The following PAK1 variants were observed in gnomAD, a reference collection of about 807,000 sequenced individuals.
PAK1 encodes the protein serine/threonine-protein kinase PAK 1.
In PAK1, 29 loss-of-function variants were observed where a neutral mutation model predicts 67.4. That is an observed-to-expected ratio of 0.43 (90% CI 0.32 to 0.59). The LOEUF (loss-of-function observed/expected upper bound fraction) is 0.59, where lower values mean the gene tolerates loss of function less well. Among genes scored for constraint, PAK1 ranks in the 20% least tolerant of loss-of-function variants. The probability of loss-of-function intolerance (pLI) is 0.07; values close to 1 mark genes in which losing one functional copy is unlikely to be tolerated. For synonymous variants in PAK1, 223 were observed against 237.4 expected, an observed-to-expected ratio of 0.94 and a Z score of 0.56; for missense variants, 337 against 670.7, an observed-to-expected ratio of 0.50 and a Z score of 5.50.
At chr11:77,491,009 T>C in the PAK1 span, among the ~76,000 whole-genome samples, 1 of 152,078 alleles carries the variant, frequency 6.6e-6, no homozygotes, top group Non-Finnish European at 1.5e-5. Context: ...CGAAGGGTCC[T>C]CTGCCTAGGA....
chr11:77,407,653 A>G (rs1953809063), intron 1 of PAK1, among the ~76,000 whole-genome samples: 1 of 152,308 alleles, frequency 6.6e-6, no homozygotes. Flanking sequence ...TCCCTATTCT[A>G]TAGAGGCCAG....
chr11:77,447,866 T>C (rs1565710016), intron 1 of PAK1, among the ~76,000 whole-genome samples: 1 of 152,204 alleles, frequency 6.6e-6, no homozygotes, highest in African/African-American at 2.4e-5. Context: ...CAGAATTGCC[T>C]ACAGTTGCAA....
chr11:77,414,421 C>A (rs1413936977), intron 1 of PAK1, among the ~76,000 whole-genome samples: 1 of 152,124 alleles, frequency 6.6e-6, no homozygotes. Flanking sequence ...AGCAGAGATT[C>A]TGACTTGGTT....
chr11:77,428,682 G>C (rs1437734265), intron 1 of PAK1, among the ~76,000 whole-genome samples: 1 of 151,954 alleles, frequency 6.6e-6, no homozygotes, highest in Non-Finnish European at 1.5e-5. Flanking sequence ...AAGTAGTCTA[G>C]TGAGGAGAAT....
chr11:77,323,849 A>G (rs1205050587), intron 14 of PAK1, among the ~76,000 whole-genome samples: 1 of 152,210 alleles, frequency 6.6e-6, no homozygotes, highest in Non-Finnish European at 1.5e-5. Context: ...ATATTGTATT[A>G]TTCCATTTCT....
the PAK1 span, among the ~76,000 whole-genome samples, chr11:77,482,285 G>A: frequency 1.0e-4 from 8 of 78,080 alleles, no homozygotes; most frequent in African/African-American, 2.7e-4. Context: ...CACCACGCCC[G>A]GCCTATTTTG....
intron 3 of PAK1, among the ~76,000 whole-genome samples, chr11:77,379,666 T>C (rs1356896484): frequency 1.3e-5 from 2 of 152,206 alleles, no homozygotes; most frequent in African/African-American, 4.8e-5. Flanking sequence ...CAGAGCCTGC[T>C]ACCAAGCCTA....
chr11:77,376,657 A>G (rs1195969449), intron 4 of PAK1, among the ~76,000 whole-genome samples: 1 of 151,578 alleles, frequency 6.6e-6, no homozygotes, highest in Non-Finnish European at 1.5e-5. Flanking sequence ...GAATTGCATG[A>G]ACCCAGGAGG....
chr11:77,433,752 G>C (rs1046498216), intron 1 of PAK1, among the ~76,000 whole-genome samples: 1 of 152,098 alleles, frequency 6.6e-6, no homozygotes, highest in African/African-American at 2.4e-5. Flanking sequence ...GCACTCCAGC[G>C]TGGGCGACAG....
In PAK1 at chr11:77,349,136, A is replaced by C. The variant is rs567578464; in HGVS notation, c.885+103T>G. ...TGAGACCCCATCCCAAAAAAAAAAA[A>C]AAAAACCTAGAACTGTTCCTGTTGA... On this transcript the variant is annotated intron_variant, in intron 9 of 14. Coordinates refer to ENST00000356341, the MANE Select transcript of PAK1 (RefSeq NM_002576.5). 49 of 850,108 alleles carry C rather than the reference A, an allele frequency of 5.8e-5. No homozygotes were observed. In the African/African-American group the frequency reaches 6.6e-4, roughly 11 times the overall value. The allele number at this position is 850,108 out of a possible 1,614,324, so 52.7% of individuals were successfully genotyped here.
chr11:77,372,306 A>C (rs1948546435), intron 5 of PAK1, among the ~76,000 whole-genome samples: 1 of 152,168 alleles, frequency 6.6e-6, no homozygotes, highest in Non-Finnish European at 1.5e-5. Context: ...GATGAAAGGC[A>C]GCACAAATCA....
At chr11:77,362,989 C>T (rs1256676857) in intron 5 of PAK1, among the ~76,000 whole-genome samples, 1 of 151,964 alleles carries the variant, frequency 6.6e-6, no homozygotes, top group Admixed American at 6.6e-5. Context: ...AGCTTGTTTG[C>T]TTTATTATAT....
At chr11:77,489,961 G>A in the PAK1 span, among the ~76,000 whole-genome samples, 1 of 150,830 alleles carries the variant, frequency 6.6e-6, no homozygotes, top group Non-Finnish European at 1.5e-5. Flanking sequence ...TCTGGAAAGT[G>A]AGGAGCGTCT....
chr11:77,449,813 C>T (rs1263691584), intron 1 of PAK1, among the ~76,000 whole-genome samples: 2 of 151,860 alleles, frequency 1.3e-5, no homozygotes, highest in Non-Finnish European at 2.9e-5. Context: ...TAGGACTTTC[C>T]AATGTATTAC....
chr11:77,358,563 G>C (rs889369935), intron 6 of PAK1, among the ~76,000 whole-genome samples: 5 of 152,068 alleles, frequency 3.3e-5, no homozygotes, highest in African/African-American at 9.7e-5. Flanking sequence ...TGCTTCCCTG[G>C]AGACTGGAAT....
At chr11:77,500,416 G>A in the PAK1 span, among the ~76,000 whole-genome samples, 213 of 152,076 alleles carry the variant, frequency 1.4e-3, 2 homozygotes, top group Middle Eastern at 6.8e-3. Context: ...GCAGTGAGCC[G>A]AGATTGTGCC....
intron 6 of PAK1, 197 bp downstream of exon 6, chr11:77,358,701 A>G (rs2250647): frequency 0.31 from 205,299 of 653,008 alleles, 34,072 homozygotes; most frequent in South Asian, 0.45. Context: ...CTGCAAACCA[A>G]TGATAAATAA....
chr11:77,457,222 A>G (rs1191720640), intron 1 of PAK1, among the ~76,000 whole-genome samples: 2 of 152,212 alleles, frequency 1.3e-5, no homozygotes, highest in Admixed American at 6.5e-5. Context: ...TTATATTTAC[A>G]TGTTACAGCC....
At chr11:77,379,769 G>T in intron 3 of PAK1, 125 bp downstream of exon 3, 1 of 702,682 alleles carries the variant, frequency 1.4e-6, no homozygotes, top group South Asian at 1.9e-5. Context: ...TCATGAACGT[G>T]AGAAAATTGT....
Sources: gnomAD v4.1 joint callset for allele counts (sites outside exome capture counted in the v4.1 genomes callset) on GRCh38, gnomAD v4.1.1 for gene constraint, MANE v1.5 for transcripts, NCBI Gene and HGNC (gene_info 2026-07-23, HGNC 2026-07-21) for gene names.